Variants in LINGO2 observed in about 807,000 individuals in gnomAD.
LINGO2 encodes the protein leucine rich repeat and Ig domain containing 2, also known as leucine-rich repeat and immunoglobulin-like domain-containing nogo receptor-interacting protein 2.
In LINGO2, 14 loss-of-function variants were observed where a neutral mutation model predicts 30.6. The ratio of observed to expected loss-of-function variants is 0.46; its 90% CI spans 0.30 to 0.72. The LOEUF (loss-of-function observed/expected upper bound fraction) is 0.72, where lower values mean the gene tolerates loss of function less well. LINGO2 is among the 30% of genes least tolerant of loss of function. The pLI, the probability that LINGO2 is intolerant of heterozygous loss-of-function variation, is 0.07. For missense variants in LINGO2, 729 were observed against 751.7 expected (o/e 0.97, Z 0.35); for synonymous variants, 317 against 288.5 (o/e 1.10, Z -1.00).
chr9:29,056,160 T>A, the LINGO2 span, among the ~76,000 whole-genome samples: 1 of 151,998 alleles, frequency 6.6e-6, no homozygotes, highest in African/African-American at 2.4e-5. Context: ...CAAATGGTAG[T>A]TCTTTAAGGA....
intron 5 of LINGO2, among the ~76,000 whole-genome samples, chr9:27,957,380 G>A (rs1049879854): frequency 2.6e-5 from 4 of 151,952 alleles, no homozygotes; most frequent in Non-Finnish European, 5.9e-5. Context: ...TGCAACCTCC[G>A]ACTCCCTGGT....
At chr9:28,120,011 G>C (rs1341496763) in intron 4 of LINGO2, among the ~76,000 whole-genome samples, 3 of 152,142 alleles carry the variant, frequency 2.0e-5, no homozygotes, top group East Asian at 3.8e-4. Flanking sequence ...AATAAAAAAT[G>C]CACCTTTATT....
the LINGO2 span, among the ~76,000 whole-genome samples, chr9:28,950,790 G>T: frequency 1.3e-5 from 2 of 152,132 alleles, no homozygotes; most frequent in Non-Finnish European, 2.9e-5. Flanking sequence ...TGGATAGGAA[G>T]AATCAATATG....
chr9:28,689,504 G>C, the LINGO2 span, among the ~76,000 whole-genome samples: 1 of 151,668 alleles, frequency 6.6e-6, no homozygotes, highest in Non-Finnish European at 1.5e-5. Context: ...AAACCACAAT[G>C]AGATACCATC....
chr9:28,590,692 A>T (rs2135704346), intron 1 of LINGO2, among the ~76,000 whole-genome samples: 1 of 152,216 alleles, frequency 6.6e-6, no homozygotes, highest in Admixed American at 6.5e-5. Context: ...AAATAGGAAC[A>T]CTTTTACACT....
chr9:28,530,389 A>C (rs1050719238), intron 1 of LINGO2, among the ~76,000 whole-genome samples: 12 of 152,160 alleles, frequency 7.9e-5, no homozygotes, highest in Non-Finnish European at 1.5e-4. Context: ...GTTTGGCTCA[A>C]ATAAAAACCA....
chr9:28,761,502 A>G, the LINGO2 span, among the ~76,000 whole-genome samples: 30,519 of 135,246 alleles, frequency 0.23, 3,402 homozygotes, highest in African/African-American at 0.31. Context: ...ACACACACGC[A>G]CACACACGTG....
At chr9:28,275,886 G>A (rs1325963961) in intron 4 of LINGO2, among the ~76,000 whole-genome samples, 11 of 152,154 alleles carry the variant, frequency 7.2e-5, no homozygotes. Flanking sequence ...TGTGATCAGA[G>A]AATCAAGTAG....
At chr9:28,376,568 C>A (rs985831412) in intron 2 of LINGO2, among the ~76,000 whole-genome samples, 10 of 152,170 alleles carry the variant, frequency 6.6e-5, no homozygotes, top group African/African-American at 2.4e-4. Context: ...ACCTTCCACC[C>A]GAGGGAACTG....
intron 1 of LINGO2, among the ~76,000 whole-genome samples, chr9:28,527,471 T>C (rs2135418319): frequency 6.6e-6 from 1 of 152,318 alleles, no homozygotes; most frequent in Admixed American, 6.5e-5. Context: ...CTGCAGAATC[T>C]CATTGAAATG....
the LINGO2 span, among the ~76,000 whole-genome samples, chr9:28,839,189 T>G: frequency 7.2e-5 from 11 of 152,094 alleles, no homozygotes; most frequent in Admixed American, 2.0e-4. Flanking sequence ...ACATGGCAAG[T>G]GAGGGGCGTG....
chr9:27,981,534 C>CAAAAAAAAAAAAAAAAAAAAAAAAA lies in LINGO2; in HGVS notation c.-36+30820_-36+30821insTTTTTTTTTTTTTTTTTTTTTTTTT, dbSNP rs763284293. Among the ~76,000 whole-genome samples, 87 of 39,828 alleles carry CAAAAAAAAAAAAAAAAAAAAAAAAA rather than the reference C, an allele frequency of 2.2e-3. 5 individuals carry two copies. Among genetic ancestry groups the CAAAAAAAAAAAAAAAAAAAAAAAAA allele is most frequent in the African/African-American group, 2.5e-3 (29 of 11,826 alleles). The allele number at this position is 39,828 out of a possible 152,430, so 26.1% of individuals were successfully genotyped here. On this transcript the variant is annotated intron_variant, in intron 5 of 5. Transcript: ENST00000379992. ...ATGAAAGGATAAATGACGAGGATGG[C>CAAAAAAAAAAAAAAAAAAAAAAAAA]AAAAAAAAAAAAAAAAGAAAAAAAA...
At chr9:28,373,015 G>GA (rs5897286) in intron 2 of LINGO2, 147 bp from the exon 5 acceptor site, 141,814 of 151,666 alleles carry the variant, frequency 0.94, 66,456 homozygotes, top group South Asian at 0.98. Flanking sequence ...ACTACAGAGA[G>GA]AAAAAAAACT....
chr9:27,967,666 T>G (rs534631963), intron 5 of LINGO2, among the ~76,000 whole-genome samples: 2 of 152,308 alleles, frequency 1.3e-5, no homozygotes, highest in African/African-American at 4.8e-5. Context: ...TATCTATTTA[T>G]ATCAACTATC....
At chr9:29,018,041 G>C in the LINGO2 span, among the ~76,000 whole-genome samples, 1 of 145,660 alleles carries the variant, frequency 6.9e-6, no homozygotes, top group Non-Finnish European at 1.5e-5. Context: ...TATATAGAGA[G>C]AGAGAGATCT....
chr9:27,985,535 T>C (rs1821083180), intron 5 of LINGO2, among the ~76,000 whole-genome samples: 1 of 147,584 alleles, frequency 6.8e-6, no homozygotes. Context: ...TTTTCTCATC[T>C]GTGTGATTTG....
intron 4 of LINGO2, among the ~76,000 whole-genome samples, chr9:28,180,217 T>C (rs866536578): frequency 5.9e-5 from 9 of 152,268 alleles, no homozygotes; most frequent in South Asian, 4.1e-4. Context: ...CCATGCCATG[T>C]GCTATCTCCC....
chr9:28,951,980 A>C, the LINGO2 span, among the ~76,000 whole-genome samples: 1 of 152,172 alleles, frequency 6.6e-6, no homozygotes, highest in Non-Finnish European at 1.5e-5. Flanking sequence ...AATGCAAATC[A>C]AAACCACAAT....
chr9:29,020,517 A>G, the LINGO2 span, among the ~76,000 whole-genome samples: 19 of 152,256 alleles, frequency 1.2e-4, no homozygotes, highest in East Asian at 3.7e-3. Flanking sequence ...CTAGAATATG[A>G]CTTTATTAAT....
Sources: gnomAD v4.1 joint callset for allele counts (sites outside exome capture counted in the v4.1 genomes callset) on GRCh38, gnomAD v4.1.1 for gene constraint, MANE v1.5 for transcripts, NCBI Gene and HGNC (gene_info 2026-07-23, HGNC 2026-07-21) for gene names.